TLL1: variants seen among roughly 807,000 people sequenced by gnomAD.
TLL1 encodes tolloid-like protein 1.
A neutral mutation model predicts 128.2 loss-of-function variants in TLL1; 49 were observed. The observed-to-expected ratio is 0.38, with a 90% CI of 0.30 to 0.48. The LOEUF (loss-of-function observed/expected upper bound fraction) is 0.48, where lower values mean the gene tolerates loss of function less well. Ranked by LOEUF, TLL1 falls within the 20% of genes least tolerant of loss-of-function variation. TLL1 has a pLI of 0.96. For synonymous variants in TLL1, 454 were observed against 418.8 expected, an observed-to-expected ratio of 1.08 and a Z score of -1.03; for missense variants, 1,123 against 1,242.0, an observed-to-expected ratio of 0.90 and a Z score of 1.44.
intron 1 of TLL1, among the ~76,000 whole-genome samples, chr4:165,924,811 A>G (rs1733194596): frequency 6.6e-6 from 1 of 152,158 alleles, no homozygotes; most frequent in Non-Finnish European, 1.5e-5. Flanking sequence ...TTTTGTTAGG[A>G]ACTAAGGCAG....
chr4:165,940,583 T>C (rs1257976599), intron 1 of TLL1, among the ~76,000 whole-genome samples: 1 of 152,052 alleles, frequency 6.6e-6, no homozygotes, highest in Admixed American at 6.6e-5. Context: ...CTGAATTCGT[T>C]ATATGAAAAG....
At chr4:165,986,534 T>C (rs374171301) in intron 1 of TLL1, among the ~76,000 whole-genome samples, 22 of 152,204 alleles carry the variant, frequency 1.4e-4, no homozygotes, top group Admixed American at 5.2e-4. Flanking sequence ...TTGCTTTCTC[T>C]CAAAGAAATA....
intron 1 of TLL1, among the ~76,000 whole-genome samples, chr4:165,953,278 G>T (rs1734613724): frequency 6.6e-6 from 1 of 151,966 alleles, no homozygotes; most frequent in South Asian, 2.1e-4. Context: ...TGTTGTTCGG[G>T]TTGTTGCCCA....
intron 12 of TLL1, among the ~76,000 whole-genome samples, chr4:166,048,493 T>C (rs1503298): frequency 0.49 from 74,969 of 152,010 alleles, 19,334 homozygotes; most frequent in African/African-American, 0.64. Flanking sequence ...TACATTATTT[T>C]TTAAGACCAG....
intron 1 of TLL1, among the ~76,000 whole-genome samples, chr4:165,976,545 ACTGT>A (rs1343904983): frequency 1.2e-4 from 19 of 152,294 alleles, no homozygotes; most frequent in Admixed American, 5.9e-4. Context: ...TTGTAGCTTG[ACTGT>A]CTGCTTCTAA....
chr4:165,968,085 C>A (rs1245509344), intron 1 of TLL1, among the ~76,000 whole-genome samples: 1 of 152,198 alleles, frequency 6.6e-6, no homozygotes, highest in East Asian at 1.9e-4. Context: ...AGTGCACATA[C>A]AGTGCGGCTT....
In TLL1 at chr4:166,057,181, T is replaced by A; in HGVS notation, c.1721-3T>A. 1.2e-6 allele frequency: 2 copies of A among 1,613,782 alleles called. No individual in the cohort carries two copies. The highest frequency in any genetic ancestry group is 1.7e-6 in the Non-Finnish European group (2 of 1,179,840). On this transcript the variant is annotated splice_region_variant and splice_polypyrimidine_tract_variant and intron_variant, in intron 13 of 20. Transcript: ENST00000061240. The stretch of plus-strand genomic sequence containing the variant: ...TGTTCTATAACTATGACCATTTTCA[T>A]AGAGGAAGATGAGTGTGCCAAACCT...
chr4:165,922,436 C>A (rs903632709), intron 1 of TLL1, among the ~76,000 whole-genome samples: 8 of 152,066 alleles, frequency 5.3e-5, no homozygotes, highest in African/African-American at 1.7e-4. Flanking sequence ...CTCTATTATT[C>A]TTCTTCCTTC....
chr4:166,061,699 T>C (rs537694550), intron 15 of TLL1, among the ~76,000 whole-genome samples: 1 of 152,334 alleles, frequency 6.6e-6, no homozygotes, highest in East Asian at 1.9e-4. Flanking sequence ...GAACTTTTGC[T>C]GTGCAGAAGC....
intron 9 of TLL1, among the ~76,000 whole-genome samples, chr4:166,036,323 G>A (rs1738996909): frequency 6.6e-6 from 1 of 152,142 alleles, no homozygotes; most frequent in African/African-American, 2.4e-5. Flanking sequence ...TTGCAACTTA[G>A]ACTCCTAACA....
At chr4:165,963,220 T>C (rs1366872834) in intron 1 of TLL1, among the ~76,000 whole-genome samples, 1 of 152,032 alleles carries the variant, frequency 6.6e-6, no homozygotes, top group East Asian at 1.9e-4. Context: ...TTGGGTACTA[T>C]GCCAAATGCC....
At chr4:166,010,301 A>T (rs1266091567) in intron 7 of TLL1, among the ~76,000 whole-genome samples, 1 of 151,294 alleles carries the variant, frequency 6.6e-6, no homozygotes. Flanking sequence ...TCTCCAGCAC[A>T]TTATTTTTTG....
At chr4:166,075,205 A>T (rs1740969444) in intron 17 of TLL1, among the ~76,000 whole-genome samples, 1 of 152,206 alleles carries the variant, frequency 6.6e-6, no homozygotes, top group African/African-American at 2.4e-5. Context: ...ATGGCATTAG[A>T]GTAGCTTTGT....
chr4:166,054,976 A>T, intron 12 of TLL1, 100 bp from the exon 13 acceptor site: 1 of 955,590 alleles, frequency 1.0e-6, no homozygotes, highest in Non-Finnish European at 1.5e-6. Flanking sequence ...TAACTTTTAT[A>T]TTAACAAATC....
At chr4:166,002,168 T>G (rs2111031870) in intron 5 of TLL1, among the ~76,000 whole-genome samples, 1 of 152,182 alleles carries the variant, frequency 6.6e-6, no homozygotes, top group South Asian at 2.1e-4. Flanking sequence ...TAGACGGATG[T>G]GAGATGTGTT....
At position 166,039,250 on chromosome 4, in the gene TLL1, A is replaced by C; in HGVS notation, c.1159-89A>C. Reference sequence around the variant, plus strand: ...TTAGCTGCACATGCATTTTTACTGTAGACCAGGGTTCCTTACCTTTAGGAA... The same window carrying C: ...TTAGCTGCACATGCATTTTTACTGTCGACCAGGGTTCCTTACCTTTAGGAA... On this transcript the variant is annotated intron_variant, in intron 9 of 20. Coordinates refer to ENST00000061240, the MANE Select transcript of TLL1 (RefSeq NM_012464.5). 3 of 860,692 alleles carry C rather than the reference A, an allele frequency of 3.5e-6. No individual in the cohort carries two copies. In the Admixed American group the frequency reaches 5.8e-5, roughly 17 times the overall value. 53.3% of individuals were successfully genotyped at this position (860,692 alleles called of 1,614,324 possible).
At chr4:166,057,088 C>T in intron 13 of TLL1, 96 bp from the exon 14 acceptor site, 1 of 1,425,100 alleles carries the variant, frequency 7.0e-7, no homozygotes, top group Admixed American at 1.7e-5. Flanking sequence ...AGATATCATT[C>T]AAGGTGAGAT....
intron 19 of TLL1, among the ~76,000 whole-genome samples, chr4:166,097,787 C>G (rs115890110): frequency 0.02 from 3,086 of 152,148 alleles, 87 homozygotes; most frequent in Middle Eastern, 0.078. Flanking sequence ...ACTTGGCTAT[C>G]CAGTGGTTTT....
rs376742374 is a variant in TLL1 at position 165,985,542 on chromosome 4, A to AT, written c.170-3834dup. ...TGTTTGTGTTTATAAATTCGTACAT[A>AT]TTTTTGCATATAGTTTTTCAGAAAT... On this transcript the variant is annotated intron_variant, in intron 1 of 20. Transcript: ENST00000061240. Among the ~76,000 whole-genome samples the AT allele has an allele frequency of 4.3e-4, 66 of 151,976 alleles. 1 individual carries two copies. The highest frequency in any genetic ancestry group is 1.3e-3 in the African/African-American group (53 of 41,486).
Sources: gnomAD v4.1 joint callset for allele counts (sites outside exome capture counted in the v4.1 genomes callset) on GRCh38, gnomAD v4.1.1 for gene constraint, MANE v1.5 for transcripts, NCBI Gene and HGNC (gene_info 2026-07-23, HGNC 2026-07-21) for gene names.